BMPR1B: variants seen among roughly 807,000 people sequenced by gnomAD.
The protein encoded by BMPR1B is bone morphogenetic protein receptor type 1B.
Under a neutral mutation model 59.1 loss-of-function variants are expected in BMPR1B, and 12 were observed. The ratio of observed to expected loss-of-function variants is 0.20; its 90% CI spans 0.13 to 0.33. The LOEUF is 0.33. BMPR1B is among the 10% of genes least tolerant of loss of function. BMPR1B has a pLI of 1.00. For missense variants in BMPR1B, 550 were observed against 610.9 expected (o/e 0.90, Z 1.05); for synonymous variants, 237 against 207.3 (o/e 1.14, Z -1.23).
At chr4:94,959,431 C>G (rs1251791328) in intron 2 of BMPR1B, among the ~76,000 whole-genome samples, 1 of 152,094 alleles carries the variant, frequency 6.6e-6, no homozygotes, top group Non-Finnish European at 1.5e-5. Context: ...AAGTAAGACC[C>G]CTTCTCCGAC....
At chr4:95,121,676 T>C (rs940409282) in intron 6 of BMPR1B, among the ~76,000 whole-genome samples, 11 of 152,154 alleles carry the variant, frequency 7.2e-5, no homozygotes, top group African/African-American at 2.7e-4. Flanking sequence ...ATGAGAAATC[T>C]AGGTGAAGGG....
chr4:95,147,103 AC>A (rs960154773), intron 10 of BMPR1B, among the ~76,000 whole-genome samples: 1 of 152,062 alleles, frequency 6.6e-6, no homozygotes, highest in Non-Finnish European at 1.5e-5. Flanking sequence ...TAACGTCTTA[AC>A]TTTTATTTAA....
At chr4:95,087,380 G>A (rs1385649090) in intron 3 of BMPR1B, among the ~76,000 whole-genome samples, 4 of 152,104 alleles carry the variant, frequency 2.6e-5, no homozygotes, top group Non-Finnish European at 5.9e-5. Flanking sequence ...GTGTGTGTGT[G>A]TTTACAGTTA....
At chr4:94,912,954 T>C (rs1728342412) in intron 2 of BMPR1B, among the ~76,000 whole-genome samples, 1 of 135,374 alleles carries the variant, frequency 7.4e-6, no homozygotes, top group African/African-American at 3.2e-5. Flanking sequence ...CTAGCTGTCA[T>C]GGTGTGCTGC....
At chr4:95,046,272 A>G (rs924164010) in intron 3 of BMPR1B, among the ~76,000 whole-genome samples, 11 of 152,166 alleles carry the variant, frequency 7.2e-5, no homozygotes, top group African/African-American at 2.4e-4. Flanking sequence ...TTTAATGATC[A>G]CACTGTTTGT....
chr4:94,850,749 C>T (rs1725538047), intron 1 of BMPR1B, among the ~76,000 whole-genome samples: 2 of 152,150 alleles, frequency 1.3e-5, no homozygotes, highest in South Asian at 4.1e-4. Context: ...GTGGTCTAGC[C>T]TCCTATGCCC....
chr4:95,152,581 C>G, intron 11 of BMPR1B, 62 bp from the exon 12 acceptor site: 1 of 1,424,288 alleles, frequency 7.0e-7, no homozygotes, highest in Non-Finnish European at 9.5e-7. Context: ...CTGTGTTAGA[C>G]TTTTATTTCT....
intron 1 of BMPR1B, among the ~76,000 whole-genome samples, chr4:94,827,180 A>G (rs1287944882): frequency 6.6e-6 from 1 of 152,088 alleles, no homozygotes; most frequent in Non-Finnish European, 1.5e-5. Flanking sequence ...AGGCTTCAAT[A>G]GCAAAAGCAC....
At chr4:94,827,463 C>T (rs77706852) in intron 1 of BMPR1B, among the ~76,000 whole-genome samples, 16,693 of 152,102 alleles carry the variant, frequency 0.11, 991 homozygotes, top group Non-Finnish European at 0.13. Context: ...GCTGTTTGCA[C>T]ATTACTGCCT....
At chr4:94,989,777 T>C (rs1721627346) in intron 2 of BMPR1B, among the ~76,000 whole-genome samples, 1 of 152,206 alleles carries the variant, frequency 6.6e-6, no homozygotes, top group Admixed American at 6.5e-5. Context: ...AGTAAGTGGC[T>C]CTGTTTATGC....
intron 2 of BMPR1B, among the ~76,000 whole-genome samples, chr4:94,884,662 A>G (rs549197816): frequency 6.6e-6 from 1 of 152,352 alleles, no homozygotes; most frequent in African/African-American, 2.4e-5. Flanking sequence ...TCAGACATGA[A>G]TAAGATGGCA....
intron 3 of BMPR1B, among the ~76,000 whole-genome samples, chr4:95,091,270 CT>C (rs879339165): frequency 1.6e-4 from 24 of 150,210 alleles, no homozygotes; most frequent in South Asian, 4.2e-4. Context: ...TTTTTCTTTT[CT>C]TTTTTTTTTG....
At chr4:94,972,263 T>C (rs1730823332) in intron 2 of BMPR1B, among the ~76,000 whole-genome samples, 1 of 151,014 alleles carries the variant, frequency 6.6e-6, no homozygotes, top group Non-Finnish European at 1.5e-5. Flanking sequence ...ATTTCTTCTC[T>C]TGCTAGCTGT....
chr4:94,831,670 T>C (rs149356787), intron 1 of BMPR1B, among the ~76,000 whole-genome samples: 32 of 152,318 alleles, frequency 2.1e-4, no homozygotes, highest in African/African-American at 6.5e-4. Context: ...CATTATGTTA[T>C]AGTTGCCTAC....
Position 95,016,007 on chromosome 4 carries a change from T to G in BMPR1B, c.-18+19873T>G, listed in dbSNP as rs1242124204. On this transcript the variant is annotated intron_variant, in intron 3 of 12. Transcript: ENST00000515059. Reference sequence around the variant, plus strand: ...CGCCGGCTGGAACATCATTTTAAATTGAAAATATGACAGACAGACAAACTA... The same window carrying G: ...CGCCGGCTGGAACATCATTTTAAATGGAAAATATGACAGACAGACAAACTA... Among the ~76,000 whole-genome samples, 3 of 152,178 alleles carry G rather than the reference T, an allele frequency of 2.0e-5. No homozygotes were observed. In the East Asian group the frequency reaches 5.8e-4, roughly 29 times the overall value.
intron 3 of BMPR1B, among the ~76,000 whole-genome samples, chr4:94,997,524 T>C (rs2149104817): frequency 6.6e-6 from 1 of 152,318 alleles, no homozygotes; most frequent in East Asian, 1.9e-4. Context: ...TGTTTCAAAA[T>C]TAATTTTATT....
intron 1 of BMPR1B, among the ~76,000 whole-genome samples, chr4:94,854,420 T>G (rs1725677455): frequency 6.6e-6 from 1 of 152,136 alleles, no homozygotes; most frequent in South Asian, 2.1e-4. Context: ...TGAAAAAGTT[T>G]TGTTGTATCA....
At chr4:95,109,503 C>T (rs1450003219) in intron 4 of BMPR1B, among the ~76,000 whole-genome samples, 3 of 152,030 alleles carry the variant, frequency 2.0e-5, no homozygotes, top group African/African-American at 2.4e-5. Flanking sequence ...AGGATTTAAG[C>T]GTGCATTGTT....
At chr4:95,150,386 G>A (rs533289553) in intron 11 of BMPR1B, among the ~76,000 whole-genome samples, 1 of 151,074 alleles carries the variant, frequency 6.6e-6, no homozygotes, top group South Asian at 2.1e-4. Flanking sequence ...AAGCGGGGAG[G>A]ATCAGTTGAA....
Sources: gnomAD v4.1 joint callset for allele counts (sites outside exome capture counted in the v4.1 genomes callset) on GRCh38, gnomAD v4.1.1 for gene constraint, MANE v1.5 for transcripts, NCBI Gene and HGNC (gene_info 2026-07-23, HGNC 2026-07-21) for gene names.